ZBTB20: variants seen among roughly 807,000 people sequenced by gnomAD.
The protein encoded by ZBTB20 is zinc finger and BTB domain containing 20.
A neutral mutation model predicts 56.9 loss-of-function variants in ZBTB20; 9 were observed. The ratio of observed to expected loss-of-function variants is 0.16; its 90% CI spans 0.10 to 0.28. The LOEUF is 0.28. Ranked by LOEUF, ZBTB20 falls within the 10% of genes least tolerant of loss-of-function variation. ZBTB20 has a pLI of 1.00. For synonymous variants in ZBTB20, 417 were observed against 420.7 expected, an observed-to-expected ratio of 0.99 and a Z score of 0.11; for missense variants, 655 against 1,003.0, an observed-to-expected ratio of 0.65 and a Z score of 4.69.
In ZBTB20 at chr3:114,332,201, T is replaced by A. The variant is rs941871309; in HGVS notation, c.*6804A>T. The A allele has an allele frequency of 4.6e-5, 7 of 151,978 alleles. No homozygotes were observed. In the East Asian group the frequency reaches 1.4e-3, roughly 30 times the overall value. The allele number at this position is 151,978 out of a possible 1,614,324, so 9.4% of individuals were successfully genotyped here. ...CTGGGCATCCCAGAAGCCTGGACTC[T>A]CAGGACTGTGGCTAGATTTTGCCCA... On this transcript the variant is annotated 3_prime_UTR_variant, in exon 12 of 12. Coordinates refer to ENST00000675478, the MANE Select transcript of ZBTB20 (RefSeq NM_001348800.3).
chr3:114,702,827 C>A (rs1420179577), intron 5 of ZBTB20, among the ~76,000 whole-genome samples: 2 of 152,142 alleles, frequency 1.3e-5, no homozygotes, highest in Non-Finnish European at 1.5e-5. Context: ...CCTTAGAGCT[C>A]ATCAGGTAAA....
intron 1 of ZBTB20, among the ~76,000 whole-genome samples, chr3:115,106,859 T>G (rs925348001): frequency 6.6e-6 from 1 of 152,110 alleles, no homozygotes; most frequent in Non-Finnish European, 1.5e-5. Flanking sequence ...TGGTCTAGCA[T>G]CTGGCAGTAC....
intron 10 of ZBTB20, among the ~76,000 whole-genome samples, chr3:114,365,210 G>C (rs905813143): frequency 6.6e-6 from 1 of 152,208 alleles, no homozygotes; most frequent in African/African-American, 2.4e-5. Flanking sequence ...ATGGAGAACA[G>C]AGTGGCTTCA....
intron 6 of ZBTB20, among the ~76,000 whole-genome samples, chr3:114,549,752 CTT>C (rs941074719): frequency 3.3e-4 from 43 of 128,856 alleles, no homozygotes; most frequent in Non-Finnish European, 4.2e-4. Context: ...TGACCTTTTT[CTT>C]TTTTTTTTTT....
rs918138241 is a variant in ZBTB20 at position 114,316,324 on chromosome 3, C to T, written c.*22681G>A. 8.6e-5 allele frequency: 34 copies of T among 397,160 alleles called. No individual in the cohort carries two copies. Among genetic ancestry groups the T allele is most frequent in the African/African-American group, 6.6e-4 (30 of 45,176 alleles). 24.6% of individuals were successfully genotyped at this position (397,160 alleles called of 1,614,324 possible). A position where few individuals can be genotyped will look rare whatever the true frequency, so the allele number is the denominator to read the frequency against. ...GAACATACAGAAATGACCAAAGTCA[C>T]TGCAAGTAGCTGTTTTTATTTTTTG... On this transcript the variant is annotated 3_prime_UTR_variant, in exon 12 of 12. Coordinates refer to ENST00000675478, the MANE Select transcript of ZBTB20 (RefSeq NM_001348800.3).
intron 2 of ZBTB20, among the ~76,000 whole-genome samples, chr3:114,976,447 G>A (rs1239928898): frequency 3.9e-5 from 6 of 152,142 alleles, no homozygotes; most frequent in South Asian, 2.1e-4. Flanking sequence ...TCAACATGGC[G>A]AAACCCCATC....
intron 6 of ZBTB20, among the ~76,000 whole-genome samples, chr3:114,619,457 G>C (rs2058166948): frequency 6.6e-6 from 1 of 151,986 alleles, no homozygotes; most frequent in African/African-American, 2.4e-5. Context: ...ATTGAAAATG[G>C]GTAAGATTAA....
intron 7 of ZBTB20, among the ~76,000 whole-genome samples, chr3:114,428,195 C>G (rs2089850581): frequency 6.6e-6 from 1 of 152,128 alleles, no homozygotes; most frequent in Non-Finnish European, 1.5e-5. Flanking sequence ...TGGCAGTTTA[C>G]TCTCACTTTT....
chr3:114,497,997 T>A lies in ZBTB20; in HGVS notation c.-255+2355A>T, dbSNP rs145976805. On this transcript the variant is annotated intron_variant, in intron 7 of 11. Transcript: ENST00000675478. ...CTGGGGTGACAGTAAGAGTGAGGGA[T>A]AAATTCTGTGATGGAGGAAGGTCTT... 1.2e-3 allele frequency among the ~76,000 whole-genome samples: 184 copies of A among 152,240 alleles called. 2 individuals are homozygous for A. The East Asian group carries it at 0.022, about 18-fold the overall frequency.
intron 7 of ZBTB20, among the ~76,000 whole-genome samples, chr3:114,436,695 T>C (rs2090542023): frequency 6.6e-6 from 1 of 152,184 alleles, no homozygotes; most frequent in Non-Finnish European, 1.5e-5. Context: ...AAACCTATAT[T>C]CCCTCCCTCT....
intron 6 of ZBTB20, chr3:114,528,767 C>G (rs2047513432): frequency 6.6e-6 from 1 of 152,188 alleles, no homozygotes; most frequent in South Asian, 2.1e-4. Flanking sequence ...AGGACAAAGT[C>G]TCTCTCTGCT....
intron 4 of ZBTB20, among the ~76,000 whole-genome samples, chr3:114,856,377 C>T (rs1001023209): frequency 6.6e-6 from 1 of 152,024 alleles, no homozygotes; most frequent in African/African-American, 2.4e-5. Context: ...GAGGCAAATA[C>T]CCCTTCAGTA....
chr3:114,881,980 A>T (rs1014352293), intron 4 of ZBTB20, among the ~76,000 whole-genome samples: 2 of 151,894 alleles, frequency 1.3e-5, no homozygotes, highest in Admixed American at 1.3e-4. Context: ...GAAAAAATGA[A>T]ACTACATAAA....
chr3:114,558,594 T>C (rs915625675), intron 6 of ZBTB20, among the ~76,000 whole-genome samples: 4 of 152,132 alleles, frequency 2.6e-5, no homozygotes, highest in Admixed American at 1.3e-4. Context: ...TTAATTTCTG[T>C]CTTCAACTTT....
chr3:114,688,711 A>C (rs946884217), intron 6 of ZBTB20, among the ~76,000 whole-genome samples: 7 of 152,222 alleles, frequency 4.6e-5, no homozygotes, highest in Non-Finnish European at 7.3e-5. Flanking sequence ...TAAGGGCTAA[A>C]GTGCCTTTCA....
chr3:115,117,818 A>C (rs2084063609), intron 1 of ZBTB20, among the ~76,000 whole-genome samples: 1 of 152,202 alleles, frequency 6.6e-6, no homozygotes, highest in Non-Finnish European at 1.5e-5. Context: ...AAAAGGAGGA[A>C]TAATAAATGC....
chr3:114,407,569 T>C (rs543682446), intron 7 of ZBTB20, among the ~76,000 whole-genome samples: 2 of 152,282 alleles, frequency 1.3e-5, no homozygotes, highest in East Asian at 1.9e-4. Flanking sequence ...GAGAGAGTCT[T>C]GGTAACTGAC....
At chr3:114,816,101 T>C (rs11720713) in intron 4 of ZBTB20, among the ~76,000 whole-genome samples, 101,987 of 152,114 alleles carry the variant, frequency 0.67, 39,486 homozygotes, top group East Asian at 0.96. Flanking sequence ...TCATCTCCCA[T>C]GGCTCAGATT....
intron 1 of ZBTB20, among the ~76,000 whole-genome samples, chr3:115,112,881 T>C (rs1047752749): frequency 5.3e-5 from 8 of 152,204 alleles, no homozygotes; most frequent in African/African-American, 1.2e-4. Context: ...CTGTTTTTCA[T>C]AGGGGCTGTA....
Sources: allele counts gnomAD v4.1 joint callset (sites outside exome capture counted in the v4.1 genomes callset), GRCh38; gene constraint gnomAD v4.1.1; transcripts MANE v1.5; gene names NCBI Gene and HGNC (gene_info 2026-07-23, HGNC 2026-07-21).